TRIM66: variants seen among roughly 807,000 people sequenced by gnomAD.
The protein encoded by TRIM66 is tripartite motif containing 66.
Under a neutral mutation model 148.2 loss-of-function variants are expected in TRIM66, and 99 were observed. The observed-to-expected ratio is 0.67, with a 90% CI of 0.57 to 0.79. The LOEUF (loss-of-function observed/expected upper bound fraction) is 0.79, where lower values mean the gene tolerates loss of function less well. Among genes scored for constraint, TRIM66 ranks in the 30% least tolerant of loss-of-function variants. The pLI is 0.00. For synonymous variants in TRIM66, 616 were observed against 635.9 expected, an observed-to-expected ratio of 0.97 and a Z score of 0.47; for missense variants, 1,666 against 1,697.9, an observed-to-expected ratio of 0.98 and a Z score of 0.33.
chr11:8,643,139 C>T lies in TRIM66; in HGVS notation c.1105-13G>A, dbSNP rs2036546473. The stretch of plus-strand genomic sequence containing the variant: ...TCTGAAACACAATCTGACAACAGCA[C>T]CAAAGGTCATTTATTTGGGCATCTT... On this transcript the variant is annotated splice_polypyrimidine_tract_variant and intron_variant, in intron 12 of 24. Coordinates refer to ENST00000646038, the MANE Select transcript of TRIM66 (RefSeq NM_001388022.1). 11 of 1,547,832 alleles carry T rather than the reference C, an allele frequency of 7.1e-6. No individual in the cohort carries two copies. The East Asian group carries it at 2.5e-4, about 34-fold the overall frequency.
chr11:8,650,336 A>C (rs1364862642), intron 7 of TRIM66, among the ~76,000 whole-genome samples: 1 of 152,016 alleles, frequency 6.6e-6, no homozygotes, highest in African/African-American at 2.4e-5. Flanking sequence ...TCGTACCACT[A>C]CACTCCAGCC....
At chr11:8,625,463 TTGTGTG>T (rs147088164) in intron 15 of TRIM66, among the ~76,000 whole-genome samples, 34,838 of 148,012 alleles carry the variant, frequency 0.24, 4,185 homozygotes, top group Admixed American at 0.26. Context: ...CGGAGAACTA[TTGTGTG>T]TGTGTGTGTG....
Position 8,621,756 on chromosome 11 carries a change from G to A in TRIM66, c.3144C>T (p.Ala1048=), listed in dbSNP as rs2034239273. Residue 1048 remains alanine (A), a synonymous_variant, in exon 19 of 25, where the codon GCC becomes GCT. Transcript: ENST00000646038. ...VRLERLKICA[A]SSGEMPVFKL... is the part of the protein sequence containing the mutation. ...TGAACACAGGCATCTCTCCTGAGGA[G>A]GCAGCACAGATCTTGAGTCGCTCCA... 1 of 1,551,314 alleles carries A rather than the reference G, an allele frequency of 6.4e-7. No homozygotes were observed. Among genetic ancestry groups the A allele is most frequent in the Admixed American group, 2.0e-5 (1 of 50,938 alleles).
Position 8,621,308 on chromosome 11 carries a change from C to T in TRIM66, c.3269G>A (p.Arg1090Lys), listed in dbSNP as rs1315338868. 6.5e-7 allele frequency: 1 copy of T among 1,550,126 alleles called. No individual in the cohort carries two copies. The highest frequency in any genetic ancestry group is 1.2e-5 in the South Asian group (1 of 83,874). The change falls in exon 20 of 25, where the codon AGA becomes AAA. Residue 1090 changes from arginine (R) to lysine (K), a missense_variant. Physicochemically the swap from Arg to Lys is conservative, Grantham distance 26. Coordinates refer to ENST00000646038, the MANE Select transcript of TRIM66 (RefSeq NM_001388022.1). ...SSMSIKVSQD[R>K]LSEATQAPGL... ...TGGGGCCTGGGTGGCCTCAGACAGT[C>T]TGTCCTGGCTGACCTTGGGGAAGAA...
At chr11:8,670,019 T>G (rs7114215) in intron 6 of TRIM66, among the ~76,000 whole-genome samples, 1 of 147,678 alleles carries the variant, frequency 6.8e-6, no homozygotes, top group East Asian at 2.0e-4. Context: ...TTTTATTTAT[T>G]TTTTTTTTTT....
chr11:8,624,071 T>C (rs917341525), intron 17 of TRIM66, among the ~76,000 whole-genome samples: 1 of 152,206 alleles, frequency 6.6e-6, no homozygotes, highest in Non-Finnish European at 1.5e-5. Flanking sequence ...CCTCCTGGGC[T>C]GAGTTCTGTT....
intron 6 of TRIM66, among the ~76,000 whole-genome samples, chr11:8,652,799 C>G (rs950796849): frequency 6.6e-5 from 10 of 152,126 alleles, no homozygotes; most frequent in African/African-American, 2.2e-4. Flanking sequence ...GCAGCAGTAC[C>G]GCTACAATCT....
intron 7 of TRIM66, among the ~76,000 whole-genome samples, chr11:8,651,247 G>C (rs1049875736): frequency 6.6e-6 from 1 of 151,970 alleles, no homozygotes; most frequent in African/African-American, 2.4e-5. Flanking sequence ...ATCAGATACA[G>C]GAACAAGTAA....
intron 4 of TRIM66, among the ~76,000 whole-genome samples, 160 bp downstream of exon 4, chr11:8,674,646 G>A (rs187071710): frequency 9.2e-5 from 14 of 151,932 alleles, no homozygotes; most frequent in South Asian, 6.2e-4. Flanking sequence ...TTGGCCGCCC[G>A]AAGTGCTGGG....
intron 6 of TRIM66, among the ~76,000 whole-genome samples, chr11:8,654,865 T>G (rs1294507343): frequency 6.6e-6 from 1 of 152,092 alleles, no homozygotes; most frequent in Non-Finnish European, 1.5e-5. Context: ...TTTTGTTTGT[T>G]TTTGTTTTTT....
At position 8,614,259 on chromosome 11, in the gene TRIM66, A is replaced by G. The variant is rs1437315422; in HGVS notation, c.*3685T>C. On this transcript the variant is annotated 3_prime_UTR_variant, in exon 25 of 25. Transcript: ENST00000646038. ...GAGGCTGAGATGGGAGGATCACCTG[A>G]GCCCAGAAGGCAGAGGTTGCAATGA... The G allele has an allele frequency of 6.6e-6, 1 of 152,250 alleles. No homozygotes were observed. The highest frequency in any genetic ancestry group is 2.4e-5 in the African/African-American group (1 of 41,426). 9.4% of individuals were successfully genotyped at this position (152,250 alleles called of 1,614,324 possible).
chr11:8,616,267 A>C lies in TRIM66; in HGVS notation c.*1677T>G, dbSNP rs2033714121. The C allele has an allele frequency of 6.6e-6, 1 of 152,384 alleles. No individual in the cohort carries two copies. Among genetic ancestry groups the C allele is most frequent in the South Asian group, 2.1e-4 (1 of 4,826 alleles). The allele number at this position is 152,384 out of a possible 1,614,324, so 9.4% of individuals were successfully genotyped here. A position where few individuals can be genotyped will look rare whatever the true frequency, so the allele number is the denominator to read the frequency against. On this transcript the variant is annotated 3_prime_UTR_variant, in exon 25 of 25. Coordinates refer to ENST00000646038, the MANE Select transcript of TRIM66 (RefSeq NM_001388022.1). ...GAAGATGATCTCTCAGGTTGGGTAG[A>C]GAAGGAAATGAGCAATACCATCAAC...
At chr11:8,672,142 A>T in intron 5 of TRIM66, 44 bp from the exon 6 acceptor site, 1 of 1,529,024 alleles carries the variant, frequency 6.5e-7, no homozygotes, top group East Asian at 2.4e-5. Flanking sequence ...TATTTTGAGC[A>T]GAAAAAAATC....
In TRIM66 at chr11:8,655,811, T is replaced by TA. The variant is rs998806646; in HGVS notation, c.341-3909dup. 6.4e-3 allele frequency among the ~76,000 whole-genome samples: 955 copies of TA among 149,476 alleles called. 11 individuals are homozygous for TA. Among genetic ancestry groups the TA allele is most frequent in the African/African-American group, 0.02 (828 of 40,746 alleles). On this transcript the variant is annotated intron_variant, in intron 6 of 24. Coordinates refer to ENST00000646038, the MANE Select transcript of TRIM66 (RefSeq NM_001388022.1). ...AAAAATTAAAATAAAAATAAAAAAT[T>TA]AAAAAAAAAATATTCTCTTGGGCAA...
intron 17 of TRIM66, among the ~76,000 whole-genome samples, chr11:8,623,251 C>A (rs1471349124): frequency 6.6e-6 from 1 of 152,208 alleles, no homozygotes; most frequent in Non-Finnish European, 1.5e-5. Context: ...CCATGTCAGC[C>A]AAGTGCTGGG....
At position 8,648,411 on chromosome 11, in the gene TRIM66, C is replaced by G. The variant is rs1274928032; in HGVS notation, c.725+5G>C. The G allele has an allele frequency of 1.9e-6, 3 of 1,551,182 alleles. No homozygotes were observed. The highest frequency in any genetic ancestry group is 1.7e-6 in the Non-Finnish European group (2 of 1,146,930). On this transcript the variant is annotated splice_donor_5th_base_variant and intron_variant, in intron 9 of 24. Coordinates refer to ENST00000646038, the MANE Select transcript of TRIM66 (RefSeq NM_001388022.1). ...AGCCCATTTCAGGCAGTCTGTCAGCCCCACCTGTGTTCTTTGTGTTCCACC... is the reference window on the plus strand; with the variant it reads ...AGCCCATTTCAGGCAGTCTGTCAGCGCCACCTGTGTTCTTTGTGTTCCACC...
rs528636136 is a variant in TRIM66 at position 8,659,698 on chromosome 11, T to C, written c.341-7795A>G. ...GTGGGTGTGGGACTGGGAATCTGTA[T>C]TTTTAGCAAGCATCACAAACAATTC... On this transcript the variant is annotated intron_variant, in intron 6 of 24. Coordinates refer to ENST00000646038, the MANE Select transcript of TRIM66 (RefSeq NM_001388022.1). Among the ~76,000 whole-genome samples, 12 of 152,308 alleles carry C rather than the reference T, an allele frequency of 7.9e-5. No individual in the cohort carries two copies. The South Asian group carries it at 2.5e-3, about 32-fold the overall frequency.
At chr11:8,647,833 C>T (rs1399400979) in intron 10 of TRIM66, 137 bp downstream of exon 10, 6 of 703,668 alleles carry the variant, frequency 8.5e-6, no homozygotes, top group African/African-American at 1.8e-5. Flanking sequence ...AAGACATATG[C>T]CTTCTAGGAC....
At chr11:8,683,108 T>G, upstream of TRIM66, 2 of 1,336,548 alleles carry the variant, frequency 1.5e-6, no homozygotes, top group South Asian at 2.4e-5. Context: ...AAGTTAGGTC[T>G]TTGACCCACA....
Sources: gnomAD v4.1 joint callset for allele counts (sites outside exome capture counted in the v4.1 genomes callset) on GRCh38, gnomAD v4.1.1 for gene constraint, MANE v1.5 for transcripts, NCBI Gene and HGNC (gene_info 2026-07-23, HGNC 2026-07-21) for gene names.